Variants in HS6ST3 observed in about 807,000 individuals in gnomAD.
HS6ST3 encodes heparan-sulfate 6-O-sulfotransferase 3.
A neutral mutation model predicts 36.7 loss-of-function variants in HS6ST3; 12 were observed. That is an observed-to-expected ratio of 0.33 (90% CI 0.21 to 0.53). HS6ST3 has a LOEUF of 0.53. HS6ST3 is among the 20% of genes least tolerant of loss of function. The probability of loss-of-function intolerance (pLI) is 0.95; values close to 1 mark genes in which losing one functional copy is unlikely to be tolerated. For synonymous variants in HS6ST3, 240 were observed against 257.5 expected (o/e 0.93, Z 0.65); for missense variants, 584 against 640.9 (o/e 0.91, Z 0.96).
intron 1 of HS6ST3, among the ~76,000 whole-genome samples, chr13:96,266,178 T>A (rs932702797): frequency 2.0e-5 from 3 of 152,166 alleles, no homozygotes; most frequent in Admixed American, 6.5e-5. Context: ...TCATCTGATG[T>A]TTTGTGGAAA....
At chr13:96,425,587 A>G (rs2055582562) in intron 1 of HS6ST3, among the ~76,000 whole-genome samples, 1 of 152,178 alleles carries the variant, frequency 6.6e-6, no homozygotes, top group African/African-American at 2.4e-5. Context: ...AATCATAGAT[A>G]TGCAAAATAG....
At chr13:96,154,979 T>G (rs1230960322) in intron 1 of HS6ST3, among the ~76,000 whole-genome samples, 1 of 152,106 alleles carries the variant, frequency 6.6e-6, no homozygotes, top group Non-Finnish European at 1.5e-5. Context: ...TGCAACAAAG[T>G]GTTCATCACA....
chr13:96,216,321 T>A (rs1284990003), intron 1 of HS6ST3, among the ~76,000 whole-genome samples: 1 of 152,234 alleles, frequency 6.6e-6, no homozygotes, highest in Non-Finnish European at 1.5e-5. Flanking sequence ...AATAGTCTTT[T>A]TGATGACTGC....
At chr13:96,548,073 T>C (rs2056204324) in intron 1 of HS6ST3, among the ~76,000 whole-genome samples, 1 of 152,194 alleles carries the variant, frequency 6.6e-6, no homozygotes, top group Admixed American at 6.6e-5. Context: ...TTTTGTTTTG[T>C]TTGAAGTGTT....
intron 1 of HS6ST3, among the ~76,000 whole-genome samples, chr13:96,354,633 A>AATAATAAT (rs2055200804): frequency 6.6e-6 from 1 of 152,200 alleles, no homozygotes; most frequent in East Asian, 1.9e-4. Context: ...AGGTGGAAGT[A>AATAATAAT]ACAAATAATA....
chr13:96,282,981 A>C (rs1327665592), intron 1 of HS6ST3, among the ~76,000 whole-genome samples: 1 of 151,974 alleles, frequency 6.6e-6, no homozygotes, highest in African/African-American at 2.4e-5. Context: ...AAACCCATTC[A>C]CTCTACAGCT....
intron 1 of HS6ST3, among the ~76,000 whole-genome samples, chr13:96,640,592 C>T (rs1257209791): frequency 2.0e-5 from 3 of 151,690 alleles, no homozygotes; most frequent in Non-Finnish European, 4.4e-5. Flanking sequence ...TTGGTTTTGT[C>T]GCAATTGCTT....
intron 1 of HS6ST3, among the ~76,000 whole-genome samples, chr13:96,572,231 T>C (rs766390940): frequency 1.3e-5 from 2 of 152,220 alleles, no homozygotes; most frequent in Non-Finnish European, 2.9e-5. Flanking sequence ...GGACTCTCTG[T>C]GAGTAGTGAA....
chr13:96,160,939 A>G (rs2054132908), intron 1 of HS6ST3, among the ~76,000 whole-genome samples: 1 of 152,170 alleles, frequency 6.6e-6, no homozygotes, highest in South Asian at 2.1e-4. Flanking sequence ...TGAAGAGGTA[A>G]TTCCTGTTTG....
intron 1 of HS6ST3, among the ~76,000 whole-genome samples, chr13:96,376,169 G>A (rs2055313754): frequency 6.6e-6 from 1 of 152,162 alleles, no homozygotes; most frequent in Admixed American, 6.6e-5. Flanking sequence ...TAGGGACTAA[G>A]CTAAGTGAAG....
intron 1 of HS6ST3, among the ~76,000 whole-genome samples, chr13:96,565,904 A>G (rs768075277): frequency 2.0e-5 from 3 of 152,188 alleles, no homozygotes; most frequent in Non-Finnish European, 2.9e-5. Context: ...ATGAAATTAT[A>G]AAAATAAATC....
At position 96,175,653 on chromosome 13, in the gene HS6ST3, A is replaced by C. The variant is rs2139336914; in HGVS notation, c.707+84084A>C. 2.7e-5 allele frequency among the ~76,000 whole-genome samples: 4 copies of C among 147,364 alleles called. No individual in the cohort carries two copies. In the Middle Eastern group the frequency reaches 0.014, roughly 523 times the overall value. On this transcript the variant is annotated intron_variant, in intron 1 of 1. Coordinates refer to ENST00000376705, the MANE Select transcript of HS6ST3 (RefSeq NM_153456.4). ...TGTGTATTATTTTATGTTTTGTGTA[A>C]TTACTTCAACTTAATCTTCTAGCCT...
At chr13:96,106,428 T>C (rs1414401817) in intron 1 of HS6ST3, among the ~76,000 whole-genome samples, 1 of 152,200 alleles carries the variant, frequency 6.6e-6, no homozygotes, top group African/African-American at 2.4e-5. Context: ...GAAGCCTACT[T>C]GGCAAGAAGT....
chr13:96,140,351 G>T (rs1268007388), intron 1 of HS6ST3, among the ~76,000 whole-genome samples: 2 of 152,068 alleles, frequency 1.3e-5, no homozygotes, highest in African/African-American at 4.8e-5. Flanking sequence ...AACACTGTGT[G>T]ACACTAATTC....
At chr13:96,636,252 A>C (rs185001695) in intron 1 of HS6ST3, among the ~76,000 whole-genome samples, 5 of 152,362 alleles carry the variant, frequency 3.3e-5, no homozygotes, top group African/African-American at 7.2e-5. Context: ...TACAGCAAGC[A>C]CTGCCATCTG....
intron 1 of HS6ST3, among the ~76,000 whole-genome samples, chr13:96,705,725 C>T (rs1327376347): frequency 1.3e-5 from 2 of 152,294 alleles, no homozygotes; most frequent in South Asian, 2.1e-4. Flanking sequence ...GGAGGAACCT[C>T]ACAGGCAAGC....
intron 1 of HS6ST3, among the ~76,000 whole-genome samples, chr13:96,606,713 A>T (rs952101739): frequency 6.6e-6 from 1 of 151,936 alleles, no homozygotes; most frequent in African/African-American, 2.4e-5. Context: ...ACCTCAGTGA[A>T]ACACAGTGTT....
At chr13:96,302,184 C>G (rs115955447) in intron 1 of HS6ST3, among the ~76,000 whole-genome samples, 1,744 of 151,952 alleles carry the variant, frequency 0.011, 36 homozygotes, top group African/African-American at 0.04. Flanking sequence ...AAAAAAAATT[C>G]TAAAACTCTA....
chr13:96,414,764 G>A (rs1408415700), intron 1 of HS6ST3, among the ~76,000 whole-genome samples: 1 of 152,164 alleles, frequency 6.6e-6, no homozygotes, highest in Non-Finnish European at 1.5e-5. Context: ...TTACAGGTGT[G>A]AGCCACCACT....
Sources: allele counts gnomAD v4.1 joint callset (sites outside exome capture counted in the v4.1 genomes callset), GRCh38; gene constraint gnomAD v4.1.1; transcripts MANE v1.5; gene names NCBI Gene and HGNC (gene_info 2026-07-23, HGNC 2026-07-21).